Variants in NELL1 observed in about 807,000 individuals in gnomAD.
The protein encoded by NELL1 is protein kinase C-binding protein NELL1.
NELL1 carries 76 observed loss-of-function variants against 107.4 expected under a neutral mutation model. The ratio of observed to expected loss-of-function variants is 0.71; its 90% CI spans 0.59 to 0.86. The LOEUF (loss-of-function observed/expected upper bound fraction) is 0.86. Ranked by LOEUF, NELL1 falls within the 40% of genes least tolerant of loss-of-function variation. The pLI is 0.00. For missense variants in NELL1, 1,024 were observed against 1,005.5 expected, an observed-to-expected ratio of 1.02 and a Z score of -0.25; for synonymous variants, 353 against 341.2, an observed-to-expected ratio of 1.03 and a Z score of -0.38.
intron 15 of NELL1, among the ~76,000 whole-genome samples, chr11:21,449,212 A>G (rs1042412164): frequency 2.6e-5 from 4 of 152,118 alleles, no homozygotes; most frequent in Admixed American, 6.5e-5. Context: ...ATCTATGTCA[A>G]CCTGGGGTAC....
At chr11:21,192,204 T>C (rs1468465397) in intron 13 of NELL1, among the ~76,000 whole-genome samples, 1 of 151,922 alleles carries the variant, frequency 6.6e-6, no homozygotes, top group Non-Finnish European at 1.5e-5. Flanking sequence ...CACAATAATA[T>C]TTATTTAATT....
chr11:20,867,751 T>G (rs1252089698), intron 4 of NELL1, among the ~76,000 whole-genome samples: 1 of 152,170 alleles, frequency 6.6e-6, no homozygotes, highest in Non-Finnish European at 1.5e-5. Flanking sequence ...GTTATTTAAT[T>G]AAGAGAAAAT....
chr11:21,465,465 A>G (rs1390872181), intron 15 of NELL1, among the ~76,000 whole-genome samples: 2 of 151,970 alleles, frequency 1.3e-5, no homozygotes, highest in African/African-American at 4.8e-5. Flanking sequence ...TCTCTAATCT[A>G]TTTCCTGACA....
intron 12 of NELL1, among the ~76,000 whole-genome samples, chr11:21,062,209 A>AG (rs1853758914): frequency 6.6e-6 from 1 of 152,332 alleles, no homozygotes; most frequent in Admixed American, 6.5e-5. Context: ...AATCATTAAT[A>AG]ATTTTTTAGT....
At chr11:21,004,962 A>G (rs1475746447) in intron 12 of NELL1, among the ~76,000 whole-genome samples, 1 of 152,180 alleles carries the variant, frequency 6.6e-6, no homozygotes, top group Non-Finnish European at 1.5e-5. Flanking sequence ...ATAATGAGAA[A>G]ACAGGCTTAT....
intron 14 of NELL1, among the ~76,000 whole-genome samples, chr11:21,311,520 A>C (rs1849749359): frequency 6.6e-6 from 1 of 152,176 alleles, no homozygotes; most frequent in African/African-American, 2.4e-5. Context: ...AAATATTAAC[A>C]ACCTGCCACT....
In NELL1 at chr11:21,212,511, T is replaced by C. The variant is rs118088706; in HGVS notation, c.1427-16821T>C. On this transcript the variant is annotated intron_variant, in intron 13 of 19. Transcript: ENST00000357134. ...TAACCCTACTCCAATCCTGTGGCAA[T>C]AAAAAACTGCTTAGTAGAAGCAGTT... Among the ~76,000 whole-genome samples, 1,248 of 152,222 alleles carry C rather than the reference T, an allele frequency of 8.2e-3. 13 individuals carry two copies. Among genetic ancestry groups the C allele is most frequent in the Non-Finnish European group, 0.014 (922 of 68,006 alleles).
At chr11:21,121,242 TA>T (rs1855361062) in intron 13 of NELL1, among the ~76,000 whole-genome samples, 1 of 152,120 alleles carries the variant, frequency 6.6e-6, no homozygotes, top group African/African-American at 2.4e-5. Context: ...CTGTATTTTG[TA>T]GATGAGAAAA....
At chr11:21,062,434 C>T (rs928626472) in intron 12 of NELL1, among the ~76,000 whole-genome samples, 1 of 152,084 alleles carries the variant, frequency 6.6e-6, no homozygotes, top group Admixed American at 6.6e-5. Flanking sequence ...AGATCTAAGC[C>T]ACAGTTGTCA....
intron 14 of NELL1, among the ~76,000 whole-genome samples, chr11:21,331,703 T>G (rs1008606865): frequency 6.6e-6 from 1 of 152,032 alleles, no homozygotes; most frequent in Non-Finnish European, 1.5e-5. Flanking sequence ...TTTGCAGAAG[T>G]TTTTTGAGGC....
chr11:21,250,370 A>G (rs1365359334), intron 14 of NELL1, among the ~76,000 whole-genome samples: 2 of 152,114 alleles, frequency 1.3e-5, no homozygotes, highest in Non-Finnish European at 2.9e-5. Context: ...GGGGCCTTTC[A>G]GTTTAGGGCT....
At chr11:20,765,664 G>A (rs1456399518) in intron 2 of NELL1, among the ~76,000 whole-genome samples, 1 of 152,142 alleles carries the variant, frequency 6.6e-6, no homozygotes, top group Non-Finnish European at 1.5e-5. Context: ...GTATTAGTTG[G>A]TGGAATCTAA....
chr11:20,804,919 T>A (rs1480203955), intron 3 of NELL1, among the ~76,000 whole-genome samples: 3 of 152,214 alleles, frequency 2.0e-5, no homozygotes, highest in Non-Finnish European at 4.4e-5. Context: ...CTCTTTGTTT[T>A]TAGGTCTAAT....
At chr11:21,123,657 G>T (rs1855423737) in intron 13 of NELL1, among the ~76,000 whole-genome samples, 1 of 152,018 alleles carries the variant, frequency 6.6e-6, no homozygotes, top group Admixed American at 6.6e-5. Context: ...TAACTTGACG[G>T]TTTATAGCCA....
chr11:21,520,761 C>A (rs1855705899), intron 15 of NELL1, among the ~76,000 whole-genome samples: 1 of 152,178 alleles, frequency 6.6e-6, no homozygotes, highest in Admixed American at 6.5e-5. Flanking sequence ...TCCCCATGCA[C>A]CTGCTCCTTA....
At chr11:21,298,837 CT>C (rs1319634025) in intron 14 of NELL1, among the ~76,000 whole-genome samples, 1 of 152,000 alleles carries the variant, frequency 6.6e-6, no homozygotes, top group African/African-American at 2.4e-5. Context: ...CCCTGTCACT[CT>C]TCTACCTGAT....
intron 2 of NELL1, among the ~76,000 whole-genome samples, chr11:20,680,419 C>T (rs1854161725): frequency 6.6e-6 from 1 of 151,280 alleles, no homozygotes; most frequent in African/African-American, 2.5e-5. Flanking sequence ...TTCTACATCT[C>T]ATTAAGTAAT....
intron 14 of NELL1, among the ~76,000 whole-genome samples, chr11:21,244,742 G>T (rs1170514717): frequency 6.6e-6 from 1 of 152,116 alleles, no homozygotes; most frequent in East Asian, 1.9e-4. Flanking sequence ...CTAGCACATA[G>T]GTGGAGCCAG....
At chr11:21,056,710 A>G (rs1853623819) in intron 12 of NELL1, among the ~76,000 whole-genome samples, 1 of 152,168 alleles carries the variant, frequency 6.6e-6, no homozygotes. Flanking sequence ...ATTAAAACTT[A>G]AAATAAATGT....
Sources: allele counts gnomAD v4.1 joint callset (sites outside exome capture counted in the v4.1 genomes callset), GRCh38; gene constraint gnomAD v4.1.1; transcripts MANE v1.5; gene names NCBI Gene and HGNC (gene_info 2026-07-23, HGNC 2026-07-21).